The following LINGO2 variants were observed in gnomAD, a reference collection of about 807,000 sequenced individuals.
The protein encoded by LINGO2 is leucine rich repeat and Ig domain containing 2, also known as leucine-rich repeat and immunoglobulin-like domain-containing nogo receptor-interacting protein 2.
Under a neutral mutation model 30.6 loss-of-function variants are expected in LINGO2, and 14 were observed. That is an observed-to-expected ratio of 0.46 (90% CI 0.30 to 0.72). LINGO2 has a LOEUF of 0.72. Among genes scored for constraint, LINGO2 ranks in the 30% least tolerant of loss-of-function variants. The pLI, the probability that LINGO2 is intolerant of heterozygous loss-of-function variation, is 0.07. For synonymous variants in LINGO2, 317 were observed against 288.5 expected (o/e 1.10, Z -1.00); for missense variants, 729 against 751.7 (o/e 0.97, Z 0.35).
At chr9:28,400,030 G>C (rs1372931460) in intron 2 of LINGO2, among the ~76,000 whole-genome samples, 5 of 152,108 alleles carry the variant, frequency 3.3e-5, no homozygotes, top group Non-Finnish European at 5.9e-5. Flanking sequence ...GCATTATTTT[G>C]TTGGAAGCAA....
At chr9:28,198,687 T>G (rs1210750359) in intron 4 of LINGO2, among the ~76,000 whole-genome samples, 1 of 152,168 alleles carries the variant, frequency 6.6e-6, no homozygotes, top group Non-Finnish European at 1.5e-5. Context: ...TTCTCATTTT[T>G]GAAGAAAACA....
the LINGO2 span, among the ~76,000 whole-genome samples, chr9:29,194,088 T>A: frequency 6.6e-6 from 1 of 152,150 alleles, no homozygotes. Flanking sequence ...AGCTTCCTTC[T>A]CTGTAAAATG....
chr9:28,227,732 A>G (rs1375860197), intron 4 of LINGO2, among the ~76,000 whole-genome samples: 1 of 152,102 alleles, frequency 6.6e-6, no homozygotes, highest in Non-Finnish European at 1.5e-5. Flanking sequence ...ATTTTCCACC[A>G]GAGGGCTTTT....
intron 4 of LINGO2, among the ~76,000 whole-genome samples, chr9:28,196,440 C>A (rs1820015675): frequency 6.6e-6 from 1 of 151,652 alleles, no homozygotes; most frequent in Non-Finnish European, 1.5e-5. Flanking sequence ...AATTAATAGA[C>A]ATTATATGTA....
chr9:28,634,485 CT>C (rs755583837), intron 1 of LINGO2, among the ~76,000 whole-genome samples: 87 of 124,668 alleles, frequency 7.0e-4, no homozygotes, highest in Middle Eastern at 8.8e-3. Context: ...TTCTTTTTTT[CT>C]TTTTTTTTTT....
chr9:28,936,417 C>A, the LINGO2 span, among the ~76,000 whole-genome samples: 1 of 152,240 alleles, frequency 6.6e-6, no homozygotes, highest in Non-Finnish European at 1.5e-5. Context: ...CAAATGGATA[C>A]AATGGTTTCC....
chr9:28,286,746 G>A (rs1823522644), intron 4 of LINGO2, among the ~76,000 whole-genome samples: 1 of 152,106 alleles, frequency 6.6e-6, no homozygotes, highest in Non-Finnish European at 1.5e-5. Context: ...ACTTATAAGT[G>A]GGAGCTAAAT....
At chr9:29,180,582 G>A in the LINGO2 span, among the ~76,000 whole-genome samples, 1 of 152,064 alleles carries the variant, frequency 6.6e-6, no homozygotes, top group African/African-American at 2.4e-5. Context: ...TAAAAAAGAT[G>A]TCCTGTGTCT....
intron 1 of LINGO2, among the ~76,000 whole-genome samples, chr9:28,662,526 G>A (rs1828622412): frequency 6.6e-6 from 1 of 152,052 alleles, no homozygotes; most frequent in South Asian, 2.1e-4. Flanking sequence ...CCACATTACT[G>A]TCATTGCTGC....
the LINGO2 span, among the ~76,000 whole-genome samples, chr9:29,068,972 G>A: frequency 6.6e-6 from 1 of 151,872 alleles, no homozygotes; most frequent in East Asian, 1.9e-4. Context: ...ACCAAAAAAG[G>A]TTCATTGTGG....
At chr9:28,586,096 T>C (rs555239604) in intron 1 of LINGO2, among the ~76,000 whole-genome samples, 6 of 152,164 alleles carry the variant, frequency 3.9e-5, no homozygotes, top group Non-Finnish European at 5.9e-5. Flanking sequence ...ATAAAGTCTG[T>C]TTTAGAAAAT....
chr9:29,038,669 C>T, the LINGO2 span, among the ~76,000 whole-genome samples: 2 of 92,072 alleles, frequency 2.2e-5, no homozygotes, highest in Non-Finnish European at 4.2e-5. Flanking sequence ...GAGTTCACTA[C>T]TCAGAAAAAA....
intron 4 of LINGO2, among the ~76,000 whole-genome samples, chr9:28,088,478 T>C (rs971170258): frequency 2.0e-5 from 3 of 152,070 alleles, no homozygotes; most frequent in Non-Finnish European, 4.4e-5. Flanking sequence ...CATCTGATTC[T>C]GGTTTTCTTC....
At chr9:28,958,317 G>A in the LINGO2 span, among the ~76,000 whole-genome samples, 1 of 152,112 alleles carries the variant, frequency 6.6e-6, no homozygotes, top group Non-Finnish European at 1.5e-5. Context: ...TGGTGACCCT[G>A]TAATGATGAA....
intron 4 of LINGO2, among the ~76,000 whole-genome samples, chr9:28,286,371 T>C (rs113401984): frequency 0.027 from 4,171 of 152,306 alleles, 178 homozygotes; most frequent in African/African-American, 0.095. Flanking sequence ...GAAGTTTAAA[T>C]TCGTTCAGCC....
At chr9:28,183,452 T>C (rs1464274186) in intron 4 of LINGO2, among the ~76,000 whole-genome samples, 2 of 152,182 alleles carry the variant, frequency 1.3e-5, no homozygotes, top group Admixed American at 1.3e-4. Context: ...ATGTAGTTTT[T>C]ATGCAGGGGT....
the LINGO2 span, among the ~76,000 whole-genome samples, chr9:28,882,572 C>A: frequency 6.6e-6 from 1 of 152,122 alleles, no homozygotes; most frequent in Non-Finnish European, 1.5e-5. Flanking sequence ...TATCAGTACA[C>A]TAGAAATATT....
chr9:29,009,403 C>T, the LINGO2 span, among the ~76,000 whole-genome samples: 2 of 151,872 alleles, frequency 1.3e-5, no homozygotes, highest in Non-Finnish European at 2.9e-5. Flanking sequence ...GACAGACAGC[C>T]AAATCATGAG....
intron 2 of LINGO2, among the ~76,000 whole-genome samples, chr9:28,458,732 C>T (rs1004478650): frequency 3.3e-5 from 5 of 152,114 alleles, no homozygotes; most frequent in African/African-American, 4.8e-5. Flanking sequence ...GACAAATTCT[C>T]ATTCTCCCAT....
Sources: gnomAD v4.1 joint callset for allele counts (sites outside exome capture counted in the v4.1 genomes callset) on GRCh38, gnomAD v4.1.1 for gene constraint, MANE v1.5 for transcripts, NCBI Gene and HGNC (gene_info 2026-07-23, HGNC 2026-07-21) for gene names.